ABCC4: variants seen among roughly 807,000 people sequenced by gnomAD.
ABCC4 encodes the protein ATP-binding cassette sub-family C member 4.
Under a neutral mutation model 168.5 loss-of-function variants are expected in ABCC4, and 102 were observed. The observed-to-expected ratio is 0.61, with a 90% CI of 0.52 to 0.71. The LOEUF (loss-of-function observed/expected upper bound fraction) is 0.71. ABCC4 is among the 30% of genes least tolerant of loss of function. ABCC4 has a pLI of 0.00. For missense variants in ABCC4, 1,402 were observed against 1,605.8 expected (o/e 0.87, Z 2.17); for synonymous variants, 617 against 590.7 (o/e 1.04, Z -0.65).
intron 27 of ABCC4, among the ~76,000 whole-genome samples, chr13:95,047,977 C>T (rs2032665624): frequency 1.3e-5 from 2 of 152,092 alleles, no homozygotes; most frequent in Admixed American, 6.6e-5. Context: ...GTCTACAATG[C>T]CTATGTAAAA....
chr13:95,241,097 G>C (rs1170496453), intron 3 of ABCC4, among the ~76,000 whole-genome samples: 1 of 152,050 alleles, frequency 6.6e-6, no homozygotes, highest in East Asian at 1.9e-4. Flanking sequence ...AGGCACGATG[G>C]CTCATGCCTG....
At chr13:95,186,613 TA>T (rs931417912) in intron 11 of ABCC4, 87 bp downstream of exon 11, 54 of 1,293,568 alleles carry the variant, frequency 4.2e-5, no homozygotes, top group Non-Finnish European at 5.0e-5. Flanking sequence ...CTTTAAAAAT[TA>T]AAAAAAAGTT....
chr13:95,241,103 G>A (rs1445395676), intron 3 of ABCC4, among the ~76,000 whole-genome samples: 1 of 152,120 alleles, frequency 6.6e-6, no homozygotes, highest in Non-Finnish European at 1.5e-5. Flanking sequence ...GATGGCTCAT[G>A]CCTGTAATCC....
chr13:95,255,686 T>C (rs1487338760), intron 1 of ABCC4, among the ~76,000 whole-genome samples: 1 of 152,210 alleles, frequency 6.6e-6, no homozygotes, highest in Non-Finnish European at 1.5e-5. Context: ...TTCACTCTAC[T>C]ACCTGTTGTT....
intron 1 of ABCC4, among the ~76,000 whole-genome samples, chr13:95,300,560 T>G (rs1201644811): frequency 3.3e-5 from 5 of 151,810 alleles, no homozygotes; most frequent in African/African-American, 1.2e-4. Context: ...GGACACACAG[T>G]GAGATTCCCA....
intron 19 of ABCC4, among the ~76,000 whole-genome samples, chr13:95,157,088 C>CTACACA (rs2036886994): frequency 7.4e-6 from 1 of 134,618 alleles, no homozygotes; most frequent in Admixed American, 7.4e-5. Context: ...TGAGACTCTA[C>CTACACA]CACACACACA....
At chr13:95,052,987 A>C in intron 27 of ABCC4, 108 bp downstream of exon 27, 1 of 929,700 alleles carries the variant, frequency 1.1e-6, no homozygotes, top group Non-Finnish European at 1.7e-6. Flanking sequence ...GGTGGTGAAC[A>C]AAGTTAGTTA....
At chr13:95,220,972 C>CCA (rs1336055925) in intron 4 of ABCC4, among the ~76,000 whole-genome samples, 1 of 152,150 alleles carries the variant, frequency 6.6e-6, no homozygotes, top group Non-Finnish European at 1.5e-5. Flanking sequence ...AGGTTCAGCA[C>CCA]CACAGTTGAG....
intron 19 of ABCC4, among the ~76,000 whole-genome samples, chr13:95,148,637 C>CAA (rs2036575563): frequency 1.4e-5 from 2 of 143,072 alleles, no homozygotes; most frequent in South Asian, 4.4e-4. Flanking sequence ...CACACACACA[C>CAA]AATCAATGCT....
At chr13:95,182,159 C>T (rs2139606721) in intron 11 of ABCC4, among the ~76,000 whole-genome samples, 1 of 152,108 alleles carries the variant, frequency 6.6e-6, no homozygotes, top group Admixed American at 6.5e-5. Flanking sequence ...TTAACAACAA[C>T]AACAAAAAGG....
intron 1 of ABCC4, among the ~76,000 whole-genome samples, chr13:95,292,403 G>C (rs1354752493): frequency 6.6e-6 from 1 of 152,126 alleles, no homozygotes; most frequent in Non-Finnish European, 1.5e-5. Context: ...AGCTGTCTTT[G>C]AATACTATGA....
At chr13:95,215,383 A>G (rs1318861594) in intron 4 of ABCC4, among the ~76,000 whole-genome samples, 1 of 152,172 alleles carries the variant, frequency 6.6e-6, no homozygotes, top group Non-Finnish European at 1.5e-5. Context: ...CCGGGGTGAC[A>G]AAGTGAGGCC....
intron 19 of ABCC4, among the ~76,000 whole-genome samples, chr13:95,126,817 ATATATATTTATATATATTTAAGTACACC>A (rs2035795181): frequency 5.1e-5 from 2 of 39,308 alleles, no homozygotes; most frequent in African/African-American, 1.2e-4. Context: ...TAAGTACACC[ATATATATTTATATATATTTAAGTACACC>A]AAATATATAT....
chr13:95,028,629 A>G lies in ABCC4; in HGVS notation c.3870+5976T>C, dbSNP rs565195275. Reference sequence around the variant, plus strand: ...ATACGAAAATTCACAGCGCTAAAATACTAAGGAAGAAAGAATGGACACAAA... The same window carrying G: ...ATACGAAAATTCACAGCGCTAAAATGCTAAGGAAGAAAGAATGGACACAAA... On this transcript the variant is annotated intron_variant, in intron 30 of 30. Transcript: ENST00000645237. Among the ~76,000 whole-genome samples the G allele has an allele frequency of 6.6e-4, 101 of 152,354 alleles. 1 individual carries two copies. Among genetic ancestry groups the G allele is most frequent in the African/African-American group, 2.3e-3 (96 of 41,584 alleles).
intron 19 of ABCC4, among the ~76,000 whole-genome samples, chr13:95,147,948 C>T (rs2036552627): frequency 6.6e-6 from 1 of 152,064 alleles, no homozygotes; most frequent in Admixed American, 6.6e-5. Flanking sequence ...GAAAACACAA[C>T]CAAAAAGAAA....
chr13:95,149,562 T>G (rs568926024), intron 19 of ABCC4, among the ~76,000 whole-genome samples: 1 of 152,266 alleles, frequency 6.6e-6, no homozygotes, highest in African/African-American at 2.4e-5. Flanking sequence ...TTAAAAATAA[T>G]GACTACTTTT....
intron 25 of ABCC4, among the ~76,000 whole-genome samples, chr13:95,064,252 GTGTGTGTGTATATATATATATATATATA>G (rs1321853255): frequency 7.6e-5 from 9 of 118,166 alleles, no homozygotes; most frequent in Admixed American, 1.8e-4. Context: ...CCGGGTGTGT[GTGTGTGTGTATATATATATATATATATA>G]TATATATATA....
chr13:95,109,163 T>C (rs968331062), intron 20 of ABCC4, among the ~76,000 whole-genome samples: 1 of 152,216 alleles, frequency 6.6e-6, no homozygotes, highest in Non-Finnish European at 1.5e-5. Flanking sequence ...ACTGATTGAC[T>C]CAACGACTAT....
At chr13:95,292,239 G>C (rs1232724366) in intron 1 of ABCC4, among the ~76,000 whole-genome samples, 1 of 151,940 alleles carries the variant, frequency 6.6e-6, no homozygotes, top group African/African-American at 2.4e-5. Flanking sequence ...CACACCTGTG[G>C]TCCCAGCTAC....
Sources: gnomAD v4.1 joint callset for allele counts (sites outside exome capture counted in the v4.1 genomes callset) on GRCh38, gnomAD v4.1.1 for gene constraint, MANE v1.5 for transcripts, NCBI Gene and HGNC (gene_info 2026-07-23, HGNC 2026-07-21) for gene names.